Variants in RNF170 observed in about 807,000 individuals in gnomAD.
The protein encoded by RNF170 is E3 ubiquitin-protein ligase RNF170.
Under a neutral mutation model 32.7 loss-of-function variants are expected in RNF170, and 12 were observed. That is an observed-to-expected ratio of 0.37 (90% CI 0.24 to 0.60). RNF170 has a LOEUF of 0.60. Ranked by LOEUF, RNF170 falls within the 20% of genes least tolerant of loss-of-function variation. The pLI is 0.72. For synonymous variants in RNF170, 91 were observed against 103.6 expected (o/e 0.88, Z 0.74); for missense variants, 212 against 311.2 (o/e 0.68, Z 2.40).
intron 6 of RNF170, among the ~76,000 whole-genome samples, chr8:42,859,000 T>C (rs1017257207): frequency 6.6e-6 from 1 of 151,844 alleles, no homozygotes; most frequent in Non-Finnish European, 1.5e-5. Flanking sequence ...CTGGCCAACA[T>C]GGCGAAACCC....
chr8:42,854,517 T>C lies in RNF170; in HGVS notation c.*1642A>G, dbSNP rs185253068. 3,587 of 1,286,942 alleles carry C rather than the reference T, an allele frequency of 2.8e-3. 6 individuals are homozygous for C. Among genetic ancestry groups the C allele is most frequent in the Non-Finnish European group, 3.4e-3 (3,375 of 988,422 alleles). The allele number at this position is 1,286,942 out of a possible 1,614,324, so 79.7% of individuals were successfully genotyped here. A position where few individuals can be genotyped will look rare whatever the true frequency, so the allele number is the denominator to read the frequency against. ...CCTGCTTTAATTATAATGTGCTATG[T>C]TTAAGCATTATTGTTTTTCTCTATG... On this transcript the variant is annotated 3_prime_UTR_variant, in exon 7 of 7. Coordinates refer to ENST00000527424, the MANE Select transcript of RNF170 (RefSeq NM_030954.4).
intron 1 of RNF170, among the ~76,000 whole-genome samples, chr8:42,889,127 A>G (rs1384443678): frequency 6.6e-6 from 1 of 152,210 alleles, no homozygotes; most frequent in Non-Finnish European, 1.5e-5. Flanking sequence ...AATAATGAAA[A>G]TTCTGGTGCT....
intron 4 of RNF170, 106 bp from the exon 5 acceptor site, chr8:42,865,595 G>A (rs1327661291): frequency 1.3e-5 from 11 of 867,888 alleles, no homozygotes; most frequent in South Asian, 6.7e-5. Flanking sequence ...ACAGTACCAC[G>A]TTATTTAAAA....
intron 2 of RNF170, among the ~76,000 whole-genome samples, 176 bp from the exon 3 acceptor site, chr8:42,874,182 A>C (rs954930697): frequency 6.6e-6 from 1 of 152,178 alleles, no homozygotes; most frequent in African/African-American, 2.4e-5. Flanking sequence ...TTCTTCTGAG[A>C]TCACTGATCA....
intron 2 of RNF170, among the ~76,000 whole-genome samples, chr8:42,881,929 T>C (rs1805444916): frequency 6.6e-6 from 1 of 152,166 alleles, no homozygotes; most frequent in Non-Finnish European, 1.5e-5. Flanking sequence ...AGTAAGACCC[T>C]ATCTCAAAAA....
chr8:42,875,734 G>A (rs764342013), intron 2 of RNF170, among the ~76,000 whole-genome samples: 91 of 152,092 alleles, frequency 6.0e-4, no homozygotes, highest in Non-Finnish European at 1.1e-3. Context: ...GTGCCACCAT[G>A]CCTGGCTAAT....
intron 2 of RNF170, among the ~76,000 whole-genome samples, chr8:42,885,062 C>T (rs1034431444): frequency 4.6e-5 from 7 of 151,044 alleles, no homozygotes; most frequent in South Asian, 2.1e-4. Flanking sequence ...ATCTTTCCAT[C>T]GCCTGAGAGC....
chr8:42,891,541 T>C (rs1343760086), intron 1 of RNF170, among the ~76,000 whole-genome samples: 1 of 152,174 alleles, frequency 6.6e-6, no homozygotes, highest in Admixed American at 6.6e-5. Flanking sequence ...ATCAGATCAT[T>C]ATAACTGTAC....
At chr8:42,869,190 G>A (rs575120400) in intron 4 of RNF170, among the ~76,000 whole-genome samples, 39 of 152,316 alleles carry the variant, frequency 2.6e-4, no homozygotes, top group South Asian at 1.7e-3. Context: ...GATTACAGGC[G>A]TGAGCCACAG....
chr8:42,855,225 T>C lies in RNF170; in HGVS notation c.*934A>G, dbSNP rs1803157640. The C allele has an allele frequency of 7.8e-7, 1 of 1,277,538 alleles. No homozygotes were observed. Among genetic ancestry groups the C allele is most frequent in the Admixed American group, 2.3e-5 (1 of 42,848 alleles). The allele number at this position is 1,277,538 out of a possible 1,614,324, so 79.1% of individuals were successfully genotyped here. A position where few individuals can be genotyped will look rare whatever the true frequency, so the allele number is the denominator to read the frequency against. The stretch of plus-strand genomic sequence containing the variant: ...TGTGCTGACTGGAGATAAATGTTTT[T>C]CATCTTTTTTTTTTTTTTTTTTGAG... On this transcript the variant is annotated 3_prime_UTR_variant, in exon 7 of 7. Coordinates refer to ENST00000527424, the MANE Select transcript of RNF170 (RefSeq NM_030954.4).
intron 2 of RNF170, among the ~76,000 whole-genome samples, chr8:42,887,082 CAGG>C (rs1394547569): frequency 6.6e-6 from 1 of 152,152 alleles, no homozygotes; most frequent in Non-Finnish European, 1.5e-5. Flanking sequence ...CACCTCAGGT[CAGG>C]AGTTTGAGAC....
At chr8:42,896,374 C>T in intron 1 of RNF170, 110 bp downstream of exon 1, 1 of 429,260 alleles carries the variant, frequency 2.3e-6, no homozygotes, top group South Asian at 1.6e-5. Context: ...CGACTCCCGC[C>T]GCCCCGCAGA....
chr8:42,887,419 A>AT (rs1805912057), intron 2 of RNF170, among the ~76,000 whole-genome samples: 1 of 152,356 alleles, frequency 6.6e-6, no homozygotes, highest in African/African-American at 2.4e-5. Flanking sequence ...CTTATCATCT[A>AT]TATCACCTAC....
intron 3 of RNF170, among the ~76,000 whole-genome samples, chr8:42,872,189 G>A (rs1182303412): frequency 6.6e-6 from 1 of 152,188 alleles, no homozygotes; most frequent in Non-Finnish European, 1.5e-5. Context: ...GGACACTGCT[G>A]CAAGGAGACC....
At chr8:42,864,460 C>T (rs1279391989) in intron 5 of RNF170, among the ~76,000 whole-genome samples, 1 of 152,146 alleles carries the variant, frequency 6.6e-6, no homozygotes, top group Non-Finnish European at 1.5e-5. Flanking sequence ...CAGTGTACAA[C>T]TGACACAATG....
intron 2 of RNF170, among the ~76,000 whole-genome samples, chr8:42,882,933 T>C (rs1483376471): frequency 1.3e-5 from 2 of 152,002 alleles, no homozygotes; most frequent in Non-Finnish European, 2.9e-5. Context: ...CATGGCGGTG[T>C]GTGCCTGTGG....
chr8:42,897,238 A>T (rs1275162912), upstream of RNF170: 3 of 1,173,964 alleles, frequency 2.6e-6, no homozygotes, highest in Non-Finnish European at 3.2e-6. Flanking sequence ...CCCGCCACCT[A>T]CCGGGACCCT....
intron 1 of RNF170, among the ~76,000 whole-genome samples, chr8:42,895,915 C>T (rs1026540118): frequency 5.3e-5 from 8 of 152,064 alleles, no homozygotes; most frequent in African/African-American, 1.9e-4. Context: ...CCTGGGGTGC[C>T]GGTAATGCCC....
At chr8:42,896,883 CG>C, upstream of RNF170, 1 of 333,506 alleles carries the variant, frequency 3.0e-6, no homozygotes, top group Non-Finnish European at 5.4e-6. Flanking sequence ...CGGCCGGGGG[CG>C]GGGACGCGGG....
Sources: gnomAD v4.1 joint callset for allele counts (sites outside exome capture counted in the v4.1 genomes callset) on GRCh38, gnomAD v4.1.1 for gene constraint, MANE v1.5 for transcripts, NCBI Gene and HGNC (gene_info 2026-07-23, HGNC 2026-07-21) for gene names.